RBFOX1: variants seen among roughly 807,000 people sequenced by gnomAD.
The protein encoded by RBFOX1 is RNA binding fox-1 homolog 1, also known as RNA binding protein fox-1 homolog 1.
In RBFOX1, 8 loss-of-function variants were observed where a neutral mutation model predicts 57.7. That is an observed-to-expected ratio of 0.14 (90% CI 0.08 to 0.25). The LOEUF is 0.25. RBFOX1 is among the 10% of genes least tolerant of loss of function. The pLI, the probability that RBFOX1 is intolerant of heterozygous loss-of-function variation, is 1.00. For synonymous variants in RBFOX1, 326 were observed against 222.4 expected, an observed-to-expected ratio of 1.47 and a Z score of -4.15; for missense variants, 611 against 548.5, an observed-to-expected ratio of 1.11 and a Z score of -1.14.
chr16:5,522,622 A>C (rs1276287706), intron 2 of RBFOX1, among the ~76,000 whole-genome samples: 1 of 152,178 alleles, frequency 6.6e-6, no homozygotes, highest in Non-Finnish European at 1.5e-5. Flanking sequence ...TCTGCCATGG[A>C]AGATGAGATC....
At chr16:6,836,652 G>C (rs756386747) in intron 3 of RBFOX1, among the ~76,000 whole-genome samples, 6 of 152,156 alleles carry the variant, frequency 3.9e-5, no homozygotes, top group African/African-American at 1.4e-4. Context: ...CCCGCTTCGG[G>C]GGTGACAGTT....
At chr16:5,268,118 A>G (rs1041705580) in intron 1 of RBFOX1, among the ~76,000 whole-genome samples, 2 of 151,960 alleles carry the variant, frequency 1.3e-5, no homozygotes, top group African/African-American at 4.8e-5. Flanking sequence ...ACTCCATCAG[A>G]GTTGACTCTA....
At chr16:6,092,655 C>G (rs946579209) in intron 1 of RBFOX1, 3 of 152,154 alleles carry the variant, frequency 2.0e-5, no homozygotes, top group African/African-American at 7.2e-5. Context: ...AATCCTTTCC[C>G]CATTGCTTAT....
chr16:6,214,938 CAGGGAGAG>C (rs1414351228), intron 1 of RBFOX1, among the ~76,000 whole-genome samples: 19 of 32,514 alleles, frequency 5.8e-4, no homozygotes, highest in African/African-American at 7.9e-4. Flanking sequence ...GGGAGAGGGA[CAGGGAGAG>C]AGGGAGAGAG....
intron 3 of RBFOX1, among the ~76,000 whole-genome samples, chr16:5,699,857 G>A (rs536211183): frequency 7.9e-5 from 12 of 152,076 alleles, no homozygotes; most frequent in East Asian, 7.8e-4. Context: ...TTTTTAAGAC[G>A]GAGTCTTGCT....
At position 6,767,471 on chromosome 16, in the gene RBFOX1, C is replaced by T. The variant is rs75945749; in HGVS notation, c.-16+112821C>T. ...TCCTGAGGTTTTTCACTTATGTGAA[C>T]GAATACATTTCTTTTTTTGCTTAAG... On this transcript the variant is annotated intron_variant, in intron 3 of 15. Transcript: ENST00000550418. 1.3e-3 allele frequency among the ~76,000 whole-genome samples: 200 copies of T among 152,260 alleles called. 3 individuals carry two copies. In the East Asian group the frequency reaches 0.032, roughly 25 times the overall value.
chr16:6,380,874 G>T (rs1417281277), intron 2 of RBFOX1, among the ~76,000 whole-genome samples: 1 of 152,126 alleles, frequency 6.6e-6, no homozygotes, highest in Non-Finnish European at 1.5e-5. Context: ...TGCCAACATA[G>T]GCCATTATCT....
At chr16:6,550,575 C>T (rs1223720449) in intron 2 of RBFOX1, among the ~76,000 whole-genome samples, 3 of 152,204 alleles carry the variant, frequency 2.0e-5, no homozygotes, top group African/African-American at 2.4e-5. Context: ...ATGCACCTGC[C>T]TCAGCCTCCC....
chr16:5,758,961 G>T (rs910874771), intron 3 of RBFOX1, among the ~76,000 whole-genome samples: 1 of 152,222 alleles, frequency 6.6e-6, no homozygotes. Flanking sequence ...GAGAGGGGCA[G>T]TGTGATACAT....
rs77361851 is a variant in RBFOX1, at chr16:5,464,679, A to G, written c.220-2537A>G. On this transcript the variant is annotated intron_variant, in intron 1 of 2. Transcript: ENST00000585867. Reference sequence around the variant, plus strand: ...GTTTGTGCCCCATCATGTCTCCAGCATTCAGCCCAGCTGTGGAGGGTGGAT... The same window carrying G: ...GTTTGTGCCCCATCATGTCTCCAGCGTTCAGCCCAGCTGTGGAGGGTGGAT... 2.2e-3 allele frequency among the ~76,000 whole-genome samples: 328 copies of G among 152,338 alleles called. 3 individuals are homozygous for G. The East Asian group carries it at 0.023, about 11-fold the overall frequency.
chr16:5,792,498 A>G (rs1567548338), intron 3 of RBFOX1, among the ~76,000 whole-genome samples: 1 of 152,200 alleles, frequency 6.6e-6, no homozygotes, highest in African/African-American at 2.4e-5. Flanking sequence ...TGTAATATAT[A>G]CTGTATTCTT....
chr16:7,005,695 C>G (rs1447898153), intron 3 of RBFOX1, among the ~76,000 whole-genome samples: 3 of 152,170 alleles, frequency 2.0e-5, no homozygotes, highest in Non-Finnish European at 2.9e-5. Flanking sequence ...AAGGCCATCT[C>G]AGGACTGTGG....
chr16:6,394,582 G>T (rs2092742970), intron 2 of RBFOX1, among the ~76,000 whole-genome samples: 2 of 151,862 alleles, frequency 1.3e-5, no homozygotes, highest in Admixed American at 6.6e-5. Flanking sequence ...AATATATGCA[G>T]TTAAGACATA....
At chr16:6,003,169 C>A (rs927574200) in intron 4 of RBFOX1, among the ~76,000 whole-genome samples, 1 of 151,968 alleles carries the variant, frequency 6.6e-6, no homozygotes, top group East Asian at 1.9e-4. Flanking sequence ...GTCCCAGGTA[C>A]TCCGGAAGCT....
intron 4 of RBFOX1, among the ~76,000 whole-genome samples, chr16:7,285,787 T>G (rs1024019399): frequency 6.6e-6 from 1 of 152,258 alleles, no homozygotes; most frequent in Non-Finnish European, 1.5e-5. Context: ...CATCTATTGA[T>G]GGACATCTGG....
At chr16:5,907,421 G>A (rs778838587) in intron 4 of RBFOX1, among the ~76,000 whole-genome samples, 10 of 151,970 alleles carry the variant, frequency 6.6e-5, no homozygotes, top group African/African-American at 9.7e-5. Flanking sequence ...TTTTTTCAGA[G>A]CACGTTGCAC....
chr16:7,015,008 G>T (rs1463707709), intron 3 of RBFOX1, among the ~76,000 whole-genome samples: 1 of 152,190 alleles, frequency 6.6e-6, no homozygotes, highest in Non-Finnish European at 1.5e-5. Flanking sequence ...ACAGGTGTGA[G>T]CCACCGTGCT....
At chr16:6,943,502 A>G (rs975124257) in intron 3 of RBFOX1, among the ~76,000 whole-genome samples, 1 of 152,052 alleles carries the variant, frequency 6.6e-6, no homozygotes, top group South Asian at 2.1e-4. Context: ...AGGTCAGGAG[A>G]TTGAGACCAT....
intron 4 of RBFOX1, among the ~76,000 whole-genome samples, chr16:7,436,494 A>G (rs1286896226): frequency 6.6e-6 from 1 of 152,244 alleles, no homozygotes; most frequent in Non-Finnish European, 1.5e-5. Flanking sequence ...TTCACAACCC[A>G]GTGCAACAGC....
Sources: allele counts gnomAD v4.1 joint callset (sites outside exome capture counted in the v4.1 genomes callset), GRCh38; gene constraint gnomAD v4.1.1; transcripts MANE v1.5; gene names NCBI Gene and HGNC (gene_info 2026-07-23, HGNC 2026-07-21).